Variants in OR5P3 observed in about 807,000 individuals in gnomAD.
The protein encoded by OR5P3 is olfactory receptor 5P3.
For synonymous variants in OR5P3, 172 were observed against 141.8 expected, an observed-to-expected ratio of 1.21 and a Z score of -1.51; for missense variants, 415 against 375.6, an observed-to-expected ratio of 1.10 and a Z score of -0.87.
At chr11:7,828,691 T>G (rs1031487796) in intron 1 of OR5P3, among the ~76,000 whole-genome samples, 5 of 152,166 alleles carry the variant, frequency 3.3e-5, no homozygotes, top group African/African-American at 1.2e-4. Context: ...TCAAAAATCC[T>G]GGAGTTAAAA....
In OR5P3 at chr11:7,825,732, T is replaced by A. The variant is rs1201430893; in HGVS notation, c.241A>T (p.Met81Leu). Reference sequence around the variant, plus strand: ...TCTTTCCTTAGGAAGCTCATGAGCATGACAGGTGTGACTGATGAGGAGTAC... The same window carrying A: ...TCTTTCCTTAGGAAGCTCATGAGCAAGACAGGTGTGACTGATGAGGAGTAC... ...IGYSSSVTPVMLMSFLRKETS... is the reference protein window; with the variant it reads ...IGYSSSVTPVLLMSFLRKETS... Residue 81 changes from methionine (M) to leucine (L), a missense_variant, in exon 2 of 2, where the codon ATG (methionine) becomes TTG (leucine). Transcript: ENST00000641167. 1.2e-6 allele frequency: 2 copies of A among 1,613,236 alleles called. No homozygotes were observed. Among genetic ancestry groups the A allele is most frequent in the Admixed American group, 1.7e-5 (1 of 59,978 alleles).
chr11:7,826,066 T>C (rs1168063165), intron 1 of OR5P3, 73 bp from the exon 2 acceptor site: 16 of 742,278 alleles, frequency 2.2e-5, no homozygotes, highest in Non-Finnish European at 3.2e-5. Context: ...CCAATATCTA[T>C]TTAACCAAAA....
rs267603206 is a variant in OR5P3, at chr11:7,825,933, G to C, written c.40C>G (p.Leu14Val). The C allele has an allele frequency of 6.3e-7, 1 of 1,591,502 alleles. No individual in the cohort carries two copies. Among genetic ancestry groups the C allele is most frequent in the African/African-American group, 1.5e-5 (1 of 68,958 alleles). Residue 14 changes from leucine (L) to valine (V), a missense_variant, in exon 2 of 2, where the codon CTT (leucine) becomes GTT (valine). Coordinates refer to ENST00000641167, the MANE Select transcript of OR5P3 (RefSeq NM_153445.2). ...GTAGTATCCTCAGATAACCCCAAAA[G>C]AGTAAACTCTACCACAGTGGTGTCA... The part of the protein sequence containing the change: ...GNDTTVVEFT[L>V]LGLSEDTTVC...
At chr11:7,827,287 C>T (rs1234017294) in intron 1 of OR5P3, among the ~76,000 whole-genome samples, 1 of 152,044 alleles carries the variant, frequency 6.6e-6, no homozygotes, top group African/African-American at 2.4e-5. Context: ...ATAAATAATA[C>T]ATTTACTCTT....
intron 1 of OR5P3, among the ~76,000 whole-genome samples, chr11:7,826,880 A>T (rs902469361): frequency 6.6e-6 from 1 of 152,194 alleles, no homozygotes. Context: ...TTGCTGTCTG[A>T]AAAAAATTGC....
Position 7,825,644 on chromosome 11 carries a change from G to A in OR5P3, c.329C>T (p.Ala110Val), listed in dbSNP as rs773096947. Reference protein sequence around the residue: ...QLCSVVTFGTAECFLLAAMAY... With the variant: ...QLCSVVTFGTVECFLLAAMAY... The stretch of plus-strand genomic sequence containing the variant: ...CATGGCAGCCAGCAGGAAGCACTCG[G>A]CCGTACCAAACGTCACTACAGAACA... The change falls in exon 2 of 2, where the codon GCC becomes GTC. Residue 110 changes from alanine to valine, a missense_variant. Coordinates refer to ENST00000641167, the MANE Select transcript of OR5P3 (RefSeq NM_153445.2). The A allele has an allele frequency of 1.9e-6, 3 of 1,613,096 alleles. No homozygotes were observed. The South Asian group carries it at 3.3e-5, about 18-fold the overall frequency.
intron 1 of OR5P3, among the ~76,000 whole-genome samples, chr11:7,830,203 TAC>T (rs969404243): frequency 2.0e-5 from 3 of 152,110 alleles, no homozygotes; most frequent in African/African-American, 7.2e-5. Context: ...ACCACATGCA[TAC>T]ACACACACAC....
At chr11:7,826,198 C>CT (rs34333595) in intron 1 of OR5P3, among the ~76,000 whole-genome samples, 6,110 of 148,520 alleles carry the variant, frequency 0.041, 342 homozygotes, top group African/African-American at 0.13. Context: ...TCAGAAAAAT[C>CT]TTTTTTTTTT....
chr11:7,826,043 C>A, intron 1 of OR5P3, 50 bp from the exon 2 acceptor site: 2 of 880,122 alleles, frequency 2.3e-6, no homozygotes, highest in Non-Finnish European at 3.5e-6. Context: ...GCTATAATTG[C>A]ACACTTATTT....
chr11:7,828,044 T>C lies in OR5P3; in HGVS notation c.-21-2051A>G, dbSNP rs760144385. Among the ~76,000 whole-genome samples the C allele has an allele frequency of 2.6e-5, 4 of 151,998 alleles. No homozygotes were observed. In the East Asian group the frequency reaches 5.8e-4, roughly 22 times the overall value. On this transcript the variant is annotated intron_variant, in intron 1 of 1. Coordinates refer to ENST00000641167, the MANE Select transcript of OR5P3 (RefSeq NM_153445.2). ...AGTCTGATGACATAAAACTCAACTA[T>C]GGGTATTTGTAGGTAGGAAGGAGAG...
At chr11:7,828,403 T>G (rs1369299954) in intron 1 of OR5P3, among the ~76,000 whole-genome samples, 1 of 152,202 alleles carries the variant, frequency 6.6e-6, no homozygotes, top group Non-Finnish European at 1.5e-5. Flanking sequence ...TCCAGCTGAA[T>G]AGAGATGGCA....
chr11:7,828,343 C>A (rs1857768696), intron 1 of OR5P3, among the ~76,000 whole-genome samples: 1 of 152,118 alleles, frequency 6.6e-6, no homozygotes, highest in Non-Finnish European at 1.5e-5. Flanking sequence ...GGATATGGGA[C>A]CTCTTGATTC....
intron 1 of OR5P3, among the ~76,000 whole-genome samples, chr11:7,828,977 T>C (rs1210586148): frequency 1.3e-5 from 2 of 152,074 alleles, no homozygotes; most frequent in South Asian, 2.1e-4. Context: ...AACGTGGAGA[T>C]ATAAGAAAGA....
At position 7,824,951 on chromosome 11, in the gene OR5P3, T is replaced by C. The variant is rs1857712105; in HGVS notation, c.*86A>G. The C allele has an allele frequency of 8.9e-7, 1 of 1,118,602 alleles. No individual in the cohort carries two copies. Among genetic ancestry groups the C allele is most frequent in the East Asian group, 2.6e-5 (1 of 38,002 alleles). The allele number at this position is 1,118,602 out of a possible 1,614,324, so 69.3% of individuals were successfully genotyped here. A position where few individuals can be genotyped will look rare whatever the true frequency, so the allele number is the denominator to read the frequency against. ...CACTGGGTAATGGTCTATGGACAGA[T>C]AAATTTTGACCACAAACACTCGGTG... is the stretch of plus-strand genomic sequence containing the variant. On this transcript the variant is annotated 3_prime_UTR_variant, in exon 2 of 2. Coordinates refer to ENST00000641167, the MANE Select transcript of OR5P3 (RefSeq NM_153445.2).
At chr11:7,826,432 G>A (rs1247256966) in intron 1 of OR5P3, among the ~76,000 whole-genome samples, 2 of 152,294 alleles carry the variant, frequency 1.3e-5, no homozygotes, top group African/African-American at 4.8e-5. Flanking sequence ...TCAAAGATGT[G>A]TAGTCATTAA....
chr11:7,825,994 C>A lies in OR5P3; in HGVS notation c.-21-1G>T, dbSNP rs772348814. 5 of 1,273,870 alleles carry A rather than the reference C, an allele frequency of 3.9e-6. No individual in the cohort carries two copies. The highest frequency in any genetic ancestry group is 4.6e-5 in the East Asian group (2 of 43,228). 78.9% of individuals were successfully genotyped at this position (1,273,870 alleles called of 1,614,324 possible). A position where few individuals can be genotyped will look rare whatever the true frequency, so the allele number is the denominator to read the frequency against. On this transcript the variant is annotated splice_acceptor_variant, in intron 1 of 1. Coordinates refer to ENST00000641167, the MANE Select transcript of OR5P3 (RefSeq NM_153445.2). LOFTEE classifies it low-confidence loss of function (5UTR_SPLICE). Reference sequence around the variant, plus strand: ...CCATCTATATTGGGAATGGTGCCAACTGAAAGAAAAACAAATGAATATTAT... The same window carrying A: ...CCATCTATATTGGGAATGGTGCCAAATGAAAGAAAAACAAATGAATATTAT...
At chr11:7,828,448 A>C (rs544576569) in intron 1 of OR5P3, among the ~76,000 whole-genome samples, 75 of 152,262 alleles carry the variant, frequency 4.9e-4, no homozygotes, top group Admixed American at 2.1e-3. Context: ...TAATACACAC[A>C]ATTGTCTAAC....
rs765176028 is a variant in OR5P3, at chr11:7,825,575, G to C, written c.398C>G (p.Ser133Cys). 1.9e-6 allele frequency: 3 copies of C among 1,613,080 alleles called. No individual in the cohort carries two copies. Among genetic ancestry groups the C allele is most frequent in the Admixed American group, 3.3e-5 (2 of 59,974 alleles). ...GCAGACTCCAGGGGACATGCAGGTA[G>C]AGTAGAGCAGGGGTGAGCAGATGGC... ...YVAICSPLLY[S>C]TCMSPGVCII... Residue 133 changes from serine (S) to cysteine (C), a missense_variant, in exon 2 of 2, where the codon TCT becomes TGT. Coordinates refer to ENST00000641167, the MANE Select transcript of OR5P3 (RefSeq NM_153445.2).
intron 1 of OR5P3, among the ~76,000 whole-genome samples, chr11:7,827,256 G>T (rs1026959541): frequency 6.6e-6 from 1 of 152,096 alleles, no homozygotes; most frequent in East Asian, 1.9e-4. Context: ...ATTTAAAAAG[G>T]TTTTAAAATT....
Sources: allele counts gnomAD v4.1 joint callset (sites outside exome capture counted in the v4.1 genomes callset), GRCh38; gene constraint gnomAD v4.1.1; transcripts MANE v1.5; gene names NCBI Gene and HGNC (gene_info 2026-07-23, HGNC 2026-07-21).